Variants in KCNH6 observed in about 807,000 individuals in gnomAD.
The protein encoded by KCNH6 is voltage-gated inwardly rectifying potassium channel KCNH6.
In KCNH6, 81 loss-of-function variants were observed where a neutral mutation model predicts 83.4. The ratio of observed to expected loss-of-function variants is 0.97; its 90% confidence interval spans 0.81 to 1.17. The LOEUF is 1.17. Ranked by LOEUF, KCNH6 falls within the 50% of genes most tolerant of loss-of-function variation. KCNH6 has a pLI of 0.00. For synonymous variants in KCNH6, 503 were observed against 545.6 expected, an observed-to-expected ratio of 0.92 and a Z score of 1.09; for missense variants, 1,203 against 1,290.5, an observed-to-expected ratio of 0.93 and a Z score of 1.04.
chr17:63,548,290 G>A (rs1446673224), downstream of KCNH6, among the ~76,000 whole-genome samples: 2 of 149,884 alleles, frequency 1.3e-5, no homozygotes, highest in African/African-American at 4.9e-5. Context: ...TCGGTCATGG[G>A]GTGGCTCATG....
rs1458454914 is a variant in KCNH6, at chr17:63,538,893, C to G, written c.1954+231C>G. Among the ~76,000 whole-genome samples the G allele has an allele frequency of 6.6e-6, 1 of 152,210 alleles. No homozygotes were observed. The highest frequency in any genetic ancestry group is 2.4e-5 in the African/African-American group (1 of 41,452). ...GAGGGAAGTTGAGGCTGAGGGAGAT[C>G]ATGCTAGTCTGTGGCCAGGCAGGGA... On this transcript the variant is annotated intron_variant, in intron 8 of 12. Coordinates refer to ENST00000314672, the MANE Select transcript of KCNH6 (RefSeq NM_001278919.2). The surrounding 1 kb of genome is among the most constrained non-coding windows in gnomAD (Gnocchi z 4.0).
chr17:63,530,085 T>C lies in KCNH6; in HGVS notation c.308-6T>C, dbSNP rs1768619343. 6.2e-7 allele frequency: 1 copy of C among 1,612,538 alleles called. No individual in the cohort carries two copies. Among genetic ancestry groups the C allele is most frequent in the African/African-American group, 1.3e-5 (1 of 74,888 alleles). ...CCACCCCCCATCCTCCCAATGGTGT[T>C]CGCAGCCTCCAGCTTCCGCTGCCTG... On this transcript the variant is annotated splice_polypyrimidine_tract_variant and splice_region_variant and intron_variant, in intron 2 of 12. Transcript: ENST00000314672.
At chr17:63,528,032 G>C (rs915224048) in intron 2 of KCNH6, among the ~76,000 whole-genome samples, 2 of 152,228 alleles carry the variant, frequency 1.3e-5, no homozygotes, top group African/African-American at 4.8e-5. Flanking sequence ...CGCCAAGACT[G>C]TGTATTGACA....
Position 63,538,231 on chromosome 17 carries a change from C to T in KCNH6, c.1668C>T (p.Ala556=), listed in dbSNP as rs774942855. 2 of 1,614,204 alleles carry T rather than the reference C, an allele frequency of 1.2e-6. No individual in the cohort carries two copies. Among genetic ancestry groups the T allele is most frequent in the Non-Finnish European group, 8.5e-7 (1 of 1,180,036 alleles). ...GCCTGGAGGAGTATTTCCAGCACGC[C>T]TGGTCCTACACCAATGGCATTGACA... ...RQRLEEYFQH[A]WSYTNGIDMN... Residue 556 remains alanine (A), a synonymous_variant, in exon 7 of 13, where the codon GCC becomes GCT. Transcript: ENST00000314672. The surrounding 1 kb of genome is among the most constrained non-coding windows in gnomAD (Gnocchi z 4.0).
chr17:63,531,197 G>A (rs1046078203), intron 4 of KCNH6, among the ~76,000 whole-genome samples: 1 of 152,184 alleles, frequency 6.6e-6, no homozygotes, highest in Non-Finnish European at 1.5e-5. Context: ...TCATGAGGCC[G>A]GAAGCCCTGA....
chr17:63,546,239 C>CA lies in KCNH6; in HGVS notation c.*355dup, dbSNP rs79018117. ...TGGGTGACAGAGTGAGACTCCAACT[C>CA]AAAAAAAAAAAAAAAAAAGATCTTG... On this transcript the variant is annotated 3_prime_UTR_variant, in exon 13 of 13. Transcript: ENST00000314672. The CA allele has an allele frequency of 0.01, 676 of 65,312 alleles. 5 individuals carry two copies. Among genetic ancestry groups the CA allele is most frequent in the East Asian group, 0.088 (192 of 2,188 alleles). The allele number at this position is 65,312 out of a possible 1,614,324, so 4.0% of individuals were successfully genotyped here.
At chr17:63,527,672 G>A (rs1249653078) in intron 2 of KCNH6, among the ~76,000 whole-genome samples, 1 of 152,178 alleles carries the variant, frequency 6.6e-6, no homozygotes, top group Non-Finnish European at 1.5e-5. Flanking sequence ...GCCCTGGTGA[G>A]GGCACAGGAA....
chr17:63,534,017 C>T lies in KCNH6; in HGVS notation c.807C>T (p.Tyr269=), dbSNP rs1320283469. The T allele has an allele frequency of 6.2e-7, 1 of 1,614,222 alleles. No homozygotes were observed. Among genetic ancestry groups the T allele is most frequent in the Admixed American group, 1.7e-5 (1 of 60,028 alleles). ...GGCTCATCCTGCTGCTGGTCATCTACACGGCTGTCTTCACGCCCTACTCAG... is the reference window on the plus strand; with the variant it reads ...GGCTCATCCTGCTGCTGGTCATCTATACGGCTGTCTTCACGCCCTACTCAG... ...WDWLILLLVI[Y]TAVFTPYSAA... is the part of the protein sequence containing the mutation. Residue 269 remains tyrosine (Y), a synonymous_variant, in exon 5 of 13, where the codon TAC becomes TAT. Coordinates refer to ENST00000314672, the MANE Select transcript of KCNH6 (RefSeq NM_001278919.2). The surrounding 1 kb of genome is among the most constrained non-coding windows in gnomAD (Gnocchi z 5.0).
At chr17:63,537,847 G>A (rs775623198) in intron 6 of KCNH6, among the ~76,000 whole-genome samples, 3 of 152,210 alleles carry the variant, frequency 2.0e-5, no homozygotes, top group Non-Finnish European at 4.4e-5. Flanking sequence ...GCTAGGCCCA[G>A]TAAGATGCCA....
downstream of KCNH6, among the ~76,000 whole-genome samples, chr17:63,548,425 G>A (rs1430831337): frequency 6.6e-6 from 1 of 152,158 alleles, no homozygotes; most frequent in Non-Finnish European, 1.5e-5. Flanking sequence ...AGCCCGGGAG[G>A]TCAAGGCTGC....
intron 8 of KCNH6, among the ~76,000 whole-genome samples, chr17:63,540,623 A>G (rs1342506249): frequency 6.6e-6 from 1 of 152,150 alleles, no homozygotes; most frequent in Non-Finnish European, 1.5e-5. Flanking sequence ...TTCAAGCTTC[A>G]GGGTTTCATG....
In KCNH6 at chr17:63,542,278, T is replaced by C. The variant is rs141582172; in HGVS notation, c.1992T>C (p.His664=). Reference sequence around the variant, plus strand: ...TCTTTGGGGAACCCGTCAGCCTCCATGCCCAGCCAGGCAAGTCCAGTGCAG... The same window carrying C: ...TCTTTGGGGAACCCGTCAGCCTCCACGCCCAGCCAGGCAAGTCCAGTGCAG... ...NDIFGEPVSL[H]AQPGKSSADV... Residue 664 remains histidine (H), a synonymous_variant, in exon 9 of 13, where the codon CAT becomes CAC. Transcript: ENST00000314672. The C allele has an allele frequency of 1.2e-5, 20 of 1,614,076 alleles. No individual in the cohort carries two copies. The African/African-American group carries it at 2.3e-4, about 18-fold the overall frequency.
intron 6 of KCNH6, among the ~76,000 whole-genome samples, chr17:63,537,386 G>A (rs1326148909): frequency 1.3e-5 from 2 of 152,102 alleles, no homozygotes; most frequent in Non-Finnish European, 2.9e-5. Context: ...CAAAAACAAG[G>A]GAAGAAAATG....
At chr17:63,544,160 G>GGT (rs1414735777) in intron 10 of KCNH6, 89 bp from the exon 11 acceptor site, 1 of 1,599,244 alleles carries the variant, frequency 6.3e-7, no homozygotes, top group African/African-American at 1.3e-5. Flanking sequence ...CCCCAGGGCA[G>GGT]GTAGGGGGTG....
intron 2 of KCNH6, among the ~76,000 whole-genome samples, chr17:63,525,505 T>C (rs2031648590): frequency 6.6e-6 from 1 of 152,206 alleles, no homozygotes; most frequent in Admixed American, 6.5e-5. Context: ...TGGATGTCTC[T>C]GGATCGGGAC....
Position 63,534,336 on chromosome 17 carries a change from C to A in KCNH6, c.1101+25C>A. Reference sequence around the variant, plus strand: ...GGTGAGCAGACCCCCTCCAGGCCAGCAGCCATGGCTGTCCTCTGCACGCTG... The same window carrying A: ...GGTGAGCAGACCCCCTCCAGGCCAGAAGCCATGGCTGTCCTCTGCACGCTG... On this transcript the variant is annotated intron_variant, in intron 5 of 12. Coordinates refer to ENST00000314672, the MANE Select transcript of KCNH6 (RefSeq NM_001278919.2). This position sits in a 1 kb window ranked among gnomAD's most constrained non-coding sequence, Gnocchi z 5.0. 6.3e-7 allele frequency: 1 copy of A among 1,588,920 alleles called. No homozygotes were observed. Among genetic ancestry groups the A allele is most frequent in the Non-Finnish European group, 8.6e-7 (1 of 1,166,524 alleles).
chr17:63,540,848 CT>C (rs1555678568), intron 8 of KCNH6, among the ~76,000 whole-genome samples: 1 of 152,238 alleles, frequency 6.6e-6, no homozygotes, highest in Non-Finnish European at 1.5e-5. Context: ...CTCTCCACCC[CT>C]GAGCCCTGAC....
rs377565655 is a variant in KCNH6, at chr17:63,535,648, A to G, written c.1102-21A>G. 8.2e-6 allele frequency: 13 copies of G among 1,579,730 alleles called. No individual in the cohort carries two copies. Among genetic ancestry groups the G allele is most frequent in the African/African-American group, 1.3e-5 (1 of 74,170 alleles). On this transcript the variant is annotated intron_variant, in intron 5 of 12. Coordinates refer to ENST00000314672, the MANE Select transcript of KCNH6 (RefSeq NM_001278919.2). This position sits in a 1 kb window ranked among gnomAD's most constrained non-coding sequence, Gnocchi z 4.9. ...TCCAAGGGCTGACCCCAGCCCTGTG[A>G]CCATTTCCCTACCCCTCCAGACCAC...
chr17:63,538,217 T>A lies in KCNH6; in HGVS notation c.1654T>A (p.Tyr552Asn), dbSNP rs2032631718. 2 of 1,613,656 alleles carry A rather than the reference T, an allele frequency of 1.2e-6. No homozygotes were observed. Among genetic ancestry groups the A allele is most frequent in the Non-Finnish European group, 8.5e-7 (1 of 1,179,902 alleles). The change falls in exon 7 of 13, where the codon TAT becomes AAT. Residue 552 changes from tyrosine (Y) to asparagine (N), a missense_variant. Physicochemically the swap from Tyr to Asn is moderately radical, Grantham distance 143 (BLOSUM62 -2). Coordinates refer to ENST00000314672, the MANE Select transcript of KCNH6 (RefSeq NM_001278919.2). This position sits in a 1 kb window ranked among gnomAD's most constrained non-coding sequence, Gnocchi z 4.0. ...CCCACTGCGCCAGCGCCTGGAGGAG[T>A]ATTTCCAGCACGCCTGGTCCTACAC... Reference protein sequence around the residue: ...PNPLRQRLEEYFQHAWSYTNG... With the variant: ...PNPLRQRLEENFQHAWSYTNG...
Sources: allele counts gnomAD v4.1 joint callset (sites outside exome capture counted in the v4.1 genomes callset), GRCh38; gene constraint gnomAD v4.1.1; non-coding constraint Gnocchi (gnomAD v3.1); transcripts MANE v1.5; gene names NCBI Gene and HGNC (gene_info 2026-07-23, HGNC 2026-07-21).